The following RPS6KC1 variants were observed in gnomAD, a reference collection of about 807,000 sequenced individuals.
RPS6KC1 encodes the protein ribosomal protein S6 kinase C1, also known as inactive ribosomal protein S6 kinase delta-1.
A neutral mutation model predicts 103.8 loss-of-function variants in RPS6KC1; 54 were observed. The ratio of observed to expected loss-of-function variants is 0.52; its 90% CI spans 0.42 to 0.65. The LOEUF is 0.65. RPS6KC1 is among the 30% of genes least tolerant of loss of function. The probability of loss-of-function intolerance (pLI) is 0.00; values close to 1 mark genes in which losing one functional copy is unlikely to be tolerated. For missense variants in RPS6KC1, 1,151 were observed against 1,253.8 expected (o/e 0.92, Z 1.24); for synonymous variants, 439 against 438.7 (o/e 1.00, Z -0.01).
At chr1:213,551,585 AAGC>A in the RPS6KC1 span, among the ~76,000 whole-genome samples, 8 of 152,234 alleles carry the variant, frequency 5.3e-5, no homozygotes, top group Non-Finnish European at 1.0e-4. Context: ...CAGCAAAACT[AAGC>A]AGAACGTATA....
the RPS6KC1 span, among the ~76,000 whole-genome samples, chr1:213,780,486 A>T: frequency 6.6e-6 from 1 of 152,212 alleles, no homozygotes; most frequent in African/African-American, 2.4e-5. Flanking sequence ...GTCATATCTA[A>T]GTGCAAAACT....
intron 8 of RPS6KC1, among the ~76,000 whole-genome samples, chr1:213,198,453 A>G (rs1456461932): frequency 6.6e-6 from 1 of 152,146 alleles, no homozygotes; most frequent in Admixed American, 6.5e-5. Context: ...TTTGCAACCA[A>G]TTTCCCAGGT....
chr1:213,418,992 T>C, the RPS6KC1 span, among the ~76,000 whole-genome samples: 1 of 152,254 alleles, frequency 6.6e-6, no homozygotes, highest in Non-Finnish European at 1.5e-5. Context: ...TGGGTTGTTC[T>C]GAATTGAGCC....
chr1:213,334,558 TG>T, the RPS6KC1 span, among the ~76,000 whole-genome samples: 1 of 152,038 alleles, frequency 6.6e-6, no homozygotes, highest in Non-Finnish European at 1.5e-5. Flanking sequence ...AAAGTCAGAG[TG>T]GAAAGAGAGA....
In RPS6KC1 at chr1:213,227,165, T is replaced by C. The variant is rs1276861489; in HGVS notation, c.1045-3332T>C. ...ATTCCTTAAAGCCCAGCACAGTGCC[T>C]GATATAAAGGAAGTGTCCCAGTGGG... On this transcript the variant is annotated intron_variant, in intron 8 of 14. Transcript: ENST00000366960. Among the ~76,000 whole-genome samples, 3 of 152,222 alleles carry C rather than the reference T, an allele frequency of 2.0e-5. No individual in the cohort carries two copies. In the East Asian group the frequency reaches 5.8e-4, roughly 29 times the overall value.
At chr1:213,092,528 C>G (rs975065965) in intron 3 of RPS6KC1, among the ~76,000 whole-genome samples, 1 of 151,118 alleles carries the variant, frequency 6.6e-6, no homozygotes, top group Admixed American at 6.6e-5. Flanking sequence ...AAAATTAGGC[C>G]GGGCATGGTG....
At chr1:213,318,850 G>A in the RPS6KC1 span, among the ~76,000 whole-genome samples, 1 of 152,160 alleles carries the variant, frequency 6.6e-6, no homozygotes, top group South Asian at 2.1e-4. Flanking sequence ...ATAAATTTTG[G>A]GTAGGGACAC....
intron 6 of RPS6KC1, among the ~76,000 whole-genome samples, chr1:213,166,830 G>C (rs1184831298): frequency 1.3e-5 from 2 of 152,226 alleles, no homozygotes; most frequent in Non-Finnish European, 2.9e-5. Flanking sequence ...AAGAAGGGCA[G>C]GAATGTAGCT....
chr1:213,051,441 C>G lies in RPS6KC1; in HGVS notation c.37C>G (p.Arg13Gly). Reference protein sequence around the residue: ...SYRERSADLARFYTVTEPQRH... With the variant: ...SYRERSADLAGFYTVTEPQRH... ...CCGGGAGCGGAGTGCCGACCTGGCC[C>G]GTTTCTACACTGTCACCGAGCCCCA... The change falls in exon 1 of 15, where the codon CGT becomes GGT. Residue 13 changes from arginine to glycine, a missense_variant. This residue lies in a region of RPS6KC1 where 959 missense variants were observed against 1,006.3 expected (regional missense o/e 0.95). Transcript: ENST00000366960. The G allele has an allele frequency of 6.2e-7, 1 of 1,613,652 alleles. No individual in the cohort carries two copies. The highest frequency in any genetic ancestry group is 8.5e-7 in the Non-Finnish European group (1 of 1,179,870).
intron 8 of RPS6KC1, among the ~76,000 whole-genome samples, chr1:213,204,353 T>A (rs2093271917): frequency 6.6e-6 from 1 of 152,226 alleles, no homozygotes; most frequent in African/African-American, 2.4e-5. Context: ...TTTTTATGAT[T>A]TTCCTTTATG....
the RPS6KC1 span, among the ~76,000 whole-genome samples, chr1:213,427,715 A>C: frequency 6.6e-6 from 1 of 152,234 alleles, no homozygotes; most frequent in South Asian, 2.1e-4. Context: ...GAATGAATGC[A>C]GTCAAGAAGT....
At chr1:213,551,604 T>C in the RPS6KC1 span, among the ~76,000 whole-genome samples, 2 of 151,986 alleles carry the variant, frequency 1.3e-5, no homozygotes, top group Non-Finnish European at 2.9e-5. Context: ...GTATAGGGAG[T>C]TCCCGTATAT....
the RPS6KC1 span, among the ~76,000 whole-genome samples, chr1:213,534,630 C>A: frequency 2.0e-5 from 3 of 152,146 alleles, no homozygotes; most frequent in East Asian, 5.8e-4. Context: ...TTCCTTCCTC[C>A]CATGGAAATA....
At chr1:213,214,625 C>A (rs1314942960) in intron 8 of RPS6KC1, among the ~76,000 whole-genome samples, 5 of 152,304 alleles carry the variant, frequency 3.3e-5, no homozygotes, top group African/African-American at 1.2e-4. Context: ...GAGGCACCCC[C>A]CAGTAGGGGC....
chr1:213,243,073 G>A (rs1003889978), intron 12 of RPS6KC1, among the ~76,000 whole-genome samples: 1 of 151,862 alleles, frequency 6.6e-6, no homozygotes. Context: ...ATGTCTCACT[G>A]CAGCCTCCCA....
chr1:213,298,244 C>G, the RPS6KC1 span, among the ~76,000 whole-genome samples: 3 of 152,228 alleles, frequency 2.0e-5, no homozygotes, highest in Non-Finnish European at 4.4e-5. Context: ...TTGCGTGTAT[C>G]TTTTGCCTAA....
the RPS6KC1 span, among the ~76,000 whole-genome samples, chr1:213,313,768 C>T: frequency 5.9e-5 from 9 of 151,944 alleles, no homozygotes; most frequent in South Asian, 2.1e-4. Context: ...ACTGAGACCA[C>T]GGTGAAACCC....
chr1:213,310,985 G>A, the RPS6KC1 span, among the ~76,000 whole-genome samples: 1 of 152,114 alleles, frequency 6.6e-6, no homozygotes, highest in Non-Finnish European at 1.5e-5. Flanking sequence ...TGGTTCTCAG[G>A]TTCTAGGTGG....
the RPS6KC1 span, among the ~76,000 whole-genome samples, chr1:213,805,635 C>G: frequency 1.3e-5 from 2 of 152,212 alleles, no homozygotes; most frequent in Admixed American, 1.3e-4. Context: ...AGTCTTAAAT[C>G]CCTCAAAGTC....
Sources: allele counts gnomAD v4.1 joint callset (sites outside exome capture counted in the v4.1 genomes callset), GRCh38; gene constraint gnomAD v4.1.1; regional missense constraint gnomAD v4.1.1; transcripts MANE v1.5; gene names NCBI Gene and HGNC (gene_info 2026-07-23, HGNC 2026-07-21).